The following SLC35E4 variants were observed in gnomAD, a reference collection of about 807,000 sequenced individuals.
SLC35E4 encodes solute carrier family 35, member E4.
SLC35E4 carries 15 observed loss-of-function variants against 19.3 expected under a neutral mutation model. The ratio of observed to expected loss-of-function variants is 0.78; its 90% CI spans 0.52 to 1.20. The LOEUF (loss-of-function observed/expected upper bound fraction) is 1.20, where lower values mean the gene tolerates loss of function less well. SLC35E4 is among the 50% of genes most tolerant of loss of function. SLC35E4 has a pLI of 0.00. For missense variants in SLC35E4, 406 were observed against 472.3 expected (o/e 0.86, Z 1.30); for synonymous variants, 219 against 219.9 (o/e 1.00, Z 0.04).
chr22:30,650,329 T>C (rs2088189278), downstream of SLC35E4, among the ~76,000 whole-genome samples: 1 of 143,770 alleles, frequency 7.0e-6, no homozygotes, highest in African/African-American at 2.6e-5. Context: ...CAAGACTTCG[T>C]CTCAAAAAAA....
At chr22:30,639,480 T>G (rs530756991) in intron 1 of SLC35E4, among the ~76,000 whole-genome samples, 2 of 151,388 alleles carry the variant, frequency 1.3e-5, no homozygotes, top group South Asian at 4.2e-4. Flanking sequence ...TGACCAAAAT[T>G]TATTAGGCGG....
chr22:30,663,920 A>G (rs946735981), downstream of SLC35E4: 2 of 1,614,090 alleles, frequency 1.2e-6, no homozygotes, highest in African/African-American at 2.7e-5. Flanking sequence ...CATTGCTGAT[A>G]TACAGGCTTT....
intron 1 of SLC35E4, 73 bp downstream of exon 1, chr22:30,637,142 G>C (rs1227561298): frequency 1.3e-6 from 2 of 1,500,536 alleles, no homozygotes; most frequent in African/African-American, 2.8e-5. Flanking sequence ...CCTGTGAGGG[G>C]TATGGCTGTT....
rs2088141205 is a variant in SLC35E4 at position 30,646,879 on chromosome 22, CTGT to C, written c.906_908del (p.Leu302del). ...GGTGGGCAACCTCATCCTGTCCCGGCTGTTGTTTGGCAGCCGCCTCAGTGCCCT... is the reference window on the plus strand; with the variant it reads ...GGTGGGCAACCTCATCCTGTCCCGGCTGTTTGGCAGCCGCCTCAGTGCCCT... On this transcript the variant is annotated inframe_deletion, in exon 2 of 2. Coordinates refer to ENST00000343605, the MANE Select transcript of SLC35E4 (RefSeq NM_001001479.4). The C allele has an allele frequency of 1.2e-6, 2 of 1,614,258 alleles. No individual in the cohort carries two copies. Among genetic ancestry groups the C allele is most frequent in the Non-Finnish European group, 1.7e-6 (2 of 1,180,042 alleles).
chr22:30,643,962 G>T (rs2088087214), intron 1 of SLC35E4, among the ~76,000 whole-genome samples: 1 of 152,212 alleles, frequency 6.6e-6, no homozygotes, highest in Non-Finnish European at 1.5e-5. Flanking sequence ...GCAGGGAGGG[G>T]AGGTGGAGGA....
At chr22:30,641,476 A>G (rs1167349099) in intron 1 of SLC35E4, among the ~76,000 whole-genome samples, 3 of 152,106 alleles carry the variant, frequency 2.0e-5, no homozygotes, top group Non-Finnish European at 2.9e-5. Flanking sequence ...GGGCAATTCT[A>G]TGTTCCTGGA....
At chr22:30,668,025 C>G (rs2088746291), downstream of SLC35E4, 1 of 156,082 alleles carries the variant, frequency 6.4e-6, no homozygotes, top group Non-Finnish European at 1.5e-5. Context: ...TCCTGGCGCC[C>G]AACGACCATG....
At chr22:30,643,623 G>A (rs897575565) in intron 1 of SLC35E4, among the ~76,000 whole-genome samples, 8 of 152,080 alleles carry the variant, frequency 5.3e-5, no homozygotes, top group Non-Finnish European at 1.2e-4. Context: ...CGGCATCAAG[G>A]ACATCACACA....
chr22:30,650,188 T>C (rs1301362255), downstream of SLC35E4, among the ~76,000 whole-genome samples: 2 of 130,932 alleles, frequency 1.5e-5, no homozygotes, highest in African/African-American at 5.9e-5. Flanking sequence ...AAAAATTAGC[T>C]GGGCATGGTG....
chr22:30,668,151 AG>A, downstream of SLC35E4: 1 of 162,736 alleles, frequency 6.1e-6, no homozygotes. Flanking sequence ...CCTTGGTCAC[AG>A]GGGACCTGAG....
chr22:30,660,137 G>C (rs746496125), intron 2 of SLC35E4, among the ~76,000 whole-genome samples: 5 of 152,168 alleles, frequency 3.3e-5, no homozygotes, highest in Non-Finnish European at 5.9e-5. Flanking sequence ...AACGTGATTT[G>C]GACCTTGTGA....
intron 2 of SLC35E4, among the ~76,000 whole-genome samples, chr22:30,660,084 T>C (rs1202731241): frequency 6.6e-6 from 1 of 152,214 alleles, no homozygotes; most frequent in East Asian, 1.9e-4. Context: ...AGATTCTTCC[T>C]CAGAGCCTCC....
downstream of SLC35E4, chr22:30,666,701 AG>A (rs1411436581): frequency 6.6e-6 from 1 of 151,568 alleles, no homozygotes; most frequent in Admixed American, 6.6e-5. Flanking sequence ...TGTACAAGAC[AG>A]GCATGGCCCC....
chr22:30,638,501 C>CA (rs33962458), intron 1 of SLC35E4, among the ~76,000 whole-genome samples: 4,135 of 63,412 alleles, frequency 0.065, 149 homozygotes, highest in Middle Eastern at 0.086. Context: ...GACTCCATCT[C>CA]AAAAAAAAAA....
chr22:30,643,536 A>G (rs1409042964), intron 1 of SLC35E4, among the ~76,000 whole-genome samples: 1 of 152,124 alleles, frequency 6.6e-6, no homozygotes, highest in African/African-American at 2.4e-5. Context: ...TGGGAATGGG[A>G]AACAGGCCGT....
intron 2 of SLC35E4, among the ~76,000 whole-genome samples, chr22:30,659,522 C>T (rs2088417399): frequency 1.3e-5 from 2 of 152,008 alleles, no homozygotes; most frequent in Admixed American, 6.6e-5. Flanking sequence ...TACAGGCGCC[C>T]GCCACCACAT....
chr22:30,663,833 C>T (rs1386823361), downstream of SLC35E4: 1 of 1,614,194 alleles, frequency 6.2e-7, no homozygotes, highest in Non-Finnish European at 8.5e-7. Context: ...ACAAGGTGTT[C>T]ACTACCTCCA....
At chr22:30,651,423 ATATATTTTTTTTTTTTT>A (rs1183125114), downstream of SLC35E4, among the ~76,000 whole-genome samples, 1,417 of 36,608 alleles carry the variant, frequency 0.039, 2 homozygotes, top group South Asian at 0.099. Context: ...ATATATATAT[ATATATTTTTTTTTTTTT>A]TTTTTTTTTT....
At chr22:30,640,672 G>A (rs1435733746) in intron 1 of SLC35E4, among the ~76,000 whole-genome samples, 1 of 152,214 alleles carries the variant, frequency 6.6e-6, no homozygotes, top group African/African-American at 2.4e-5. Flanking sequence ...CCCACTCAGG[G>A]TGGGGAGGCC....
Sources: allele counts gnomAD v4.1 joint callset (sites outside exome capture counted in the v4.1 genomes callset), GRCh38; gene constraint gnomAD v4.1.1; transcripts MANE v1.5; gene names NCBI Gene and HGNC (gene_info 2026-07-23, HGNC 2026-07-21).